The following TICRR variants were observed in gnomAD, a reference collection of about 807,000 sequenced individuals.
TICRR encodes the protein treslin.
In TICRR, 132 loss-of-function variants were observed where a neutral mutation model predicts 178.1. The ratio of observed to expected loss-of-function variants is 0.74; its 90% confidence interval spans 0.64 to 0.86. TICRR has a LOEUF of 0.86. Among genes scored for constraint, TICRR ranks in the 40% least tolerant of loss-of-function variants. The pLI, the probability that TICRR is intolerant of heterozygous loss-of-function variation, is 0.00. For missense variants in TICRR, 2,587 were observed against 2,334.3 expected, an observed-to-expected ratio of 1.11 and a Z score of -2.23; for synonymous variants, 991 against 900.7, an observed-to-expected ratio of 1.10 and a Z score of -1.79.
chr15:89,624,050 C>G lies in TICRR; in HGVS notation c.3740C>G (p.Pro1247Arg), dbSNP rs1339948428. ...GAGTGTCTCACTCCCATCAGAGACC[C>G]TCTCAGAACACCTCCGAGAGCAGCA... ...RRECLTPIRD[P>R]LRTPPRAAAF... The change falls in exon 20 of 22, where the codon CCT becomes CGT. Residue 1247 changes from proline (P) to arginine (R), a missense_variant. By Grantham distance (103) the Pro-to-Arg change is moderately radical. Coordinates refer to ENST00000268138, the MANE Select transcript of TICRR (RefSeq NM_152259.4). The G allele has an allele frequency of 1.9e-6, 3 of 1,613,898 alleles. No homozygotes were observed. The African/African-American group carries it at 4.0e-5, about 22-fold the overall frequency.
intron 15 of TICRR, among the ~76,000 whole-genome samples, chr15:89,609,777 TG>T (rs1963230119): frequency 6.6e-6 from 1 of 151,962 alleles, no homozygotes. Context: ...TGGCCTCTAT[TG>T]GTTTTCTAAT....
chr15:89,575,960 T>G lies in TICRR; in HGVS notation c.374T>G (p.Ile125Ser), dbSNP rs1962604832. The G allele has an allele frequency of 3.7e-6, 6 of 1,603,060 alleles. No individual in the cohort carries two copies. The East Asian group carries it at 1.1e-4, about 30-fold the overall frequency. ...RPEITSPTKP[I>S]LRSSGRRLLD... ...GAGATCACGTCGCCCACGAAGCCGA[T>G]CCTGCGGAGCAGCGGGAGGAGACTG... Residue 125 changes from isoleucine to serine, a missense_variant, in exon 1 of 22, where the codon ATC (isoleucine) becomes AGC (serine). By Grantham distance (142) the Ile-to-Ser change is moderately radical. Coordinates refer to ENST00000268138, the MANE Select transcript of TICRR (RefSeq NM_152259.4).
intron 5 of TICRR, among the ~76,000 whole-genome samples, chr15:89,593,079 T>A (rs1167707769): frequency 6.6e-6 from 1 of 152,254 alleles, no homozygotes; most frequent in Non-Finnish European, 1.5e-5. Context: ...TTCGTTTTTT[T>A]AAAATTTTTT....
intron 16 of TICRR, 23 bp downstream of exon 16, chr15:89,616,518 C>T (rs1174134902): frequency 1.9e-6 from 3 of 1,599,098 alleles, no homozygotes; most frequent in African/African-American, 1.3e-5. Context: ...CCCATCCGGG[C>T]TTCTTCATAC....
intron 7 of TICRR, among the ~76,000 whole-genome samples, chr15:89,597,818 T>C (rs1387676589): frequency 5.3e-5 from 8 of 152,204 alleles, no homozygotes; most frequent in Admixed American, 5.2e-4. Flanking sequence ...ATAGATCAAA[T>C]TGGGAATCTG....
intron 13 of TICRR, among the ~76,000 whole-genome samples, chr15:89,604,023 G>A (rs1963137063): frequency 6.6e-6 from 1 of 151,666 alleles, no homozygotes. Flanking sequence ...AGGACTTGAG[G>A]TTTTTATTGG....
chr15:89,620,907 TAG>T (rs541257408), intron 18 of TICRR, among the ~76,000 whole-genome samples: 6 of 151,166 alleles, frequency 4.0e-5, no homozygotes, highest in Non-Finnish European at 8.8e-5. Flanking sequence ...GTATTTTTAG[TAG>T]AGACAGGTTT....
At chr15:89,607,143 A>G (rs1963187295) in intron 14 of TICRR, among the ~76,000 whole-genome samples, 1 of 152,188 alleles carries the variant, frequency 6.6e-6, no homozygotes, top group South Asian at 2.1e-4. Flanking sequence ...AGCTAAATGC[A>G]TTCCATGATC....
intron 9 of TICRR, among the ~76,000 whole-genome samples, chr15:89,600,951 C>A (rs554446584): frequency 9.0e-5 from 13 of 144,486 alleles, no homozygotes; most frequent in African/African-American, 2.6e-4. Flanking sequence ...GATGCTGAAG[C>A]TGGAGGATTG....
At chr15:89,576,860 T>TATATACAC (rs1555419112) in intron 1 of TICRR, among the ~76,000 whole-genome samples, 5 of 128,612 alleles carry the variant, frequency 3.9e-5, no homozygotes, top group African/African-American at 1.5e-4. Flanking sequence ...TATATATATA[T>TATATACAC]ACACACACAC....
At chr15:89,612,232 T>C (rs1963266454) in intron 15 of TICRR, among the ~76,000 whole-genome samples, 1 of 152,214 alleles carries the variant, frequency 6.6e-6, no homozygotes, top group African/African-American at 2.4e-5. Context: ...CTGAAGTTTC[T>C]GTCTATTATC....
intron 5 of TICRR, among the ~76,000 whole-genome samples, chr15:89,593,667 C>T (rs1284122409): frequency 6.6e-6 from 1 of 152,206 alleles, no homozygotes; most frequent in Non-Finnish European, 1.5e-5. Flanking sequence ...GATCGCGCCA[C>T]TGCACTCCAG....
intron 1 of TICRR, among the ~76,000 whole-genome samples, 198 bp from the exon 2 acceptor site, chr15:89,582,488 T>G (rs1962745021): frequency 6.6e-6 from 1 of 152,188 alleles, no homozygotes; most frequent in Admixed American, 6.5e-5. Flanking sequence ...CTCAAAGGGA[T>G]ATAAGGTAGT....
chr15:89,591,660 C>G (rs996085188), intron 4 of TICRR: 1 of 152,758 alleles, frequency 6.5e-6, no homozygotes, highest in African/African-American at 2.4e-5. Flanking sequence ...ACCCGGGAGG[C>G]GGAGGTTGCG....
chr15:89,605,826 A>G (rs111943633), intron 13 of TICRR, among the ~76,000 whole-genome samples: 1,525 of 152,238 alleles, frequency 0.01, 28 homozygotes, highest in African/African-American at 0.035. Flanking sequence ...AATTATTATG[A>G]TGAATTGAAA....
chr15:89,590,527 A>G (rs565961474), intron 4 of TICRR, among the ~76,000 whole-genome samples: 1 of 152,340 alleles, frequency 6.6e-6, no homozygotes, highest in Non-Finnish European at 1.5e-5. Context: ...CTGCTGTAGC[A>G]TGGCCCACAG....
intron 19 of TICRR, among the ~76,000 whole-genome samples, 166 bp from the exon 20 acceptor site, chr15:89,623,457 G>A (rs939295056): frequency 7.2e-5 from 11 of 152,236 alleles, no homozygotes; most frequent in Admixed American, 1.3e-4. Context: ...AGTAAAATCT[G>A]AGTCATGTTT....
In TICRR at chr15:89,624,933, C is replaced by T; in HGVS notation, c.4623C>T (p.Asp1541=). The T allele has an allele frequency of 6.2e-7, 1 of 1,614,138 alleles. No individual in the cohort carries two copies. Among genetic ancestry groups the T allele is most frequent in the Non-Finnish European group, 8.5e-7 (1 of 1,180,038 alleles). ...AGTGCCAGGCTTCGGCACAACTAGA[C>T]AACCTGCCAGCATCAGCTTGGCATT... The part of the protein sequence containing the change: ...GRQCQASAQL[D]NLPASAWHST... The change falls in exon 20 of 22, where the codon GAC becomes GAT. Residue 1541 remains aspartate, a synonymous_variant. Transcript: ENST00000268138.
At position 89,602,875 on chromosome 15, in the gene TICRR, AAG is replaced by A. The variant is rs1963119175; in HGVS notation, c.2652_2653del (p.Arg884SerfsTer51). The A allele has an allele frequency of 1.3e-6, 2 of 1,527,538 alleles. No homozygotes were observed. Among genetic ancestry groups the A allele is most frequent in the Admixed American group, 2.1e-5 (1 of 48,740 alleles). 94.6% of individuals were successfully genotyped at this position (1,527,538 alleles called of 1,614,324 possible). A position where few individuals can be genotyped will look rare whatever the true frequency, so the allele number is the denominator to read the frequency against. On this transcript the variant is annotated frameshift_variant, in exon 13 of 22. Coordinates refer to ENST00000268138, the MANE Select transcript of TICRR (RefSeq NM_152259.4). LOFTEE classifies it high-confidence loss of function. ...LRQIEIPKVS[K>X]RATKKENSHP... ...ACAAATTGAAATTCCTAAAGTGTCAAAGAGAGCTACGAAAAAAGTAAGTAAAC... is the reference window on the plus strand; with the variant it reads ...ACAAATTGAAATTCCTAAAGTGTCAAAGAGCTACGAAAAAAGTAAGTAAAC...
Sources: allele counts gnomAD v4.1 joint callset (sites outside exome capture counted in the v4.1 genomes callset), GRCh38; gene constraint gnomAD v4.1.1; transcripts MANE v1.5; gene names NCBI Gene and HGNC (gene_info 2026-07-23, HGNC 2026-07-21).